TNR: variants seen among roughly 807,000 people sequenced by gnomAD.
TNR encodes the protein tenascin R.
A neutral mutation model predicts 150.4 loss-of-function variants in TNR; 45 were observed. The observed-to-expected ratio is 0.30, with a 90% confidence interval of 0.24 to 0.38. The LOEUF is 0.38. Ranked by LOEUF, TNR falls within the 10% of genes least tolerant of loss-of-function variation. The pLI is 1.00. For missense variants in TNR, 1,544 were observed against 1,759.1 expected (o/e 0.88, Z 2.19); for synonymous variants, 687 against 678.4 (o/e 1.01, Z -0.20).
intron 1 of TNR, among the ~76,000 whole-genome samples, chr1:175,646,705 C>A (rs1324881531): frequency 6.6e-6 from 1 of 152,210 alleles, no homozygotes; most frequent in Non-Finnish European, 1.5e-5. Flanking sequence ...GGCTGGTCTA[C>A]CTTACGGCAG....
At chr1:175,488,215 C>T (rs1658096114) in intron 2 of TNR, among the ~76,000 whole-genome samples, 1 of 152,196 alleles carries the variant, frequency 6.6e-6, no homozygotes, top group Admixed American at 6.5e-5. Context: ...ACATGCACTG[C>T]ATCACTGGGA....
rs1297969885 is a variant in TNR, at chr1:175,671,924, TG to T, written c.-165+71301del. Among the ~76,000 whole-genome samples the T allele has an allele frequency of 3.2e-3, 484 of 150,808 alleles. 19 individuals carry two copies. In the East Asian group the frequency reaches 0.075, roughly 23 times the overall value. Reference sequence around the variant, plus strand: ...TATGAGCTGTACCTGTGTGTGTGTGTGTGTGTGTGTGTGTGTGTGTGTGTGT... The same window carrying T: ...TATGAGCTGTACCTGTGTGTGTGTGTTGTGTGTGTGTGTGTGTGTGTGTGT... On this transcript the variant is annotated intron_variant, in intron 1 of 22. Transcript: ENST00000367674.
rs1438806510 is a variant in TNR at position 175,455,375 on chromosome 1, G to A, written c.-63-48598C>T. Among the ~76,000 whole-genome samples, 3 of 152,224 alleles carry A rather than the reference G, an allele frequency of 2.0e-5. No individual in the cohort carries two copies. In the East Asian group the frequency reaches 5.8e-4, roughly 29 times the overall value. On this transcript the variant is annotated intron_variant, in intron 2 of 22. Coordinates refer to ENST00000367674, the MANE Select transcript of TNR (RefSeq NM_003285.3). ...ATACAATATTCCTTAGAATTAATGT[G>A]CATTTTAAATGAAAAACGAAAAACC...
chr1:175,658,141 G>A (rs1233462185), intron 1 of TNR, among the ~76,000 whole-genome samples: 1 of 151,868 alleles, frequency 6.6e-6, no homozygotes, highest in Non-Finnish European at 1.5e-5. Flanking sequence ...CTCAAGATGT[G>A]GAGTCAAGGC....
intron 2 of TNR, among the ~76,000 whole-genome samples, chr1:175,509,469 G>T (rs534138223): frequency 3.3e-5 from 5 of 151,998 alleles, no homozygotes; most frequent in Non-Finnish European, 5.9e-5. Context: ...GATTTTCTTG[G>T]CTCTTATCTC....
At chr1:175,581,871 C>T (rs1197951340) in intron 1 of TNR, among the ~76,000 whole-genome samples, 1 of 152,090 alleles carries the variant, frequency 6.6e-6, no homozygotes, top group South Asian at 2.1e-4. Context: ...TGTGCTTATT[C>T]ATCCCTACCT....
intron 1 of TNR, among the ~76,000 whole-genome samples, chr1:175,531,643 G>A (rs114020076): frequency 0.01 from 1,542 of 152,300 alleles, 34 homozygotes; most frequent in African/African-American, 0.035. Flanking sequence ...CAGTAAATGG[G>A]TGTGTTCTTT....
intron 1 of TNR, among the ~76,000 whole-genome samples, chr1:175,672,820 C>A (rs1396978088): frequency 6.6e-6 from 1 of 152,152 alleles, no homozygotes; most frequent in Admixed American, 6.5e-5. Context: ...CATTCATATT[C>A]CCTTTTCAAT....
chr1:175,655,244 T>C (rs1665137142), intron 1 of TNR, among the ~76,000 whole-genome samples: 1 of 152,234 alleles, frequency 6.6e-6, no homozygotes, highest in South Asian at 2.1e-4. Flanking sequence ...AAAAATACAA[T>C]TCAGCCTCTT....
chr1:175,414,412 C>G (rs941220815), intron 2 of TNR, among the ~76,000 whole-genome samples: 5 of 152,114 alleles, frequency 3.3e-5, no homozygotes, highest in Non-Finnish European at 7.4e-5. Flanking sequence ...ACCCAAGGCT[C>G]AACGATACAC....
chr1:175,640,146 G>C (rs1477964303), intron 1 of TNR, among the ~76,000 whole-genome samples: 1 of 152,230 alleles, frequency 6.6e-6, no homozygotes, highest in African/African-American at 2.4e-5. Context: ...TCCAGAGATA[G>C]ATCTTTTTTA....
At chr1:175,741,304 G>A (rs1667922910) in intron 1 of TNR, among the ~76,000 whole-genome samples, 1 of 152,164 alleles carries the variant, frequency 6.6e-6, no homozygotes, top group Non-Finnish European at 1.5e-5. Flanking sequence ...TTTATAAAAT[G>A]GGTCCAATAA....
At chr1:175,581,986 A>C (rs897881328) in intron 1 of TNR, among the ~76,000 whole-genome samples, 2 of 152,338 alleles carry the variant, frequency 1.3e-5, no homozygotes, top group East Asian at 3.9e-4. Flanking sequence ...CCTGCAGGCC[A>C]GAATCTAGGA....
At chr1:175,662,700 G>GTAGTTATTT (rs1010598260) in intron 1 of TNR, among the ~76,000 whole-genome samples, 22 of 152,330 alleles carry the variant, frequency 1.4e-4, no homozygotes, top group South Asian at 6.2e-4. Context: ...CCCAAAGAAC[G>GTAGTTATTT]TAGTTATTTC....
intron 1 of TNR, among the ~76,000 whole-genome samples, chr1:175,733,760 C>T (rs1282214798): frequency 6.6e-6 from 1 of 152,070 alleles, no homozygotes; most frequent in African/African-American, 2.4e-5. Context: ...TGGCCCCGCT[C>T]CTGGTTGGAG....
intron 20 of TNR, among the ~76,000 whole-genome samples, chr1:175,334,414 G>A (rs1002232513): frequency 3.3e-5 from 5 of 152,214 alleles, no homozygotes; most frequent in East Asian, 1.9e-4. Context: ...TTAGGATTAC[G>A]GAGGGATTTG....
chr1:175,725,825 G>C (rs1231709177), intron 1 of TNR, among the ~76,000 whole-genome samples: 1 of 152,198 alleles, frequency 6.6e-6, no homozygotes, highest in Non-Finnish European at 1.5e-5. Context: ...CAGGAGCTCA[G>C]AGGCCTTCGT....
intron 2 of TNR, among the ~76,000 whole-genome samples, chr1:175,438,923 C>G (rs915420982): frequency 2.6e-5 from 4 of 152,074 alleles, no homozygotes; most frequent in African/African-American, 2.4e-5. Flanking sequence ...TAGGAAGAAT[C>G]AATATCATGA....
intron 1 of TNR, among the ~76,000 whole-genome samples, chr1:175,722,180 T>C (rs1046823963): frequency 6.6e-6 from 1 of 152,120 alleles, no homozygotes; most frequent in African/African-American, 2.4e-5. Context: ...ATGGAGGGTT[T>C]CATTTCCTTG....
Sources: gnomAD v4.1 joint callset for allele counts (sites outside exome capture counted in the v4.1 genomes callset) on GRCh38, gnomAD v4.1.1 for gene constraint, MANE v1.5 for transcripts, NCBI Gene and HGNC (gene_info 2026-07-23, HGNC 2026-07-21) for gene names.